CCDC40: variants seen among roughly 807,000 people sequenced by gnomAD.
The protein encoded by CCDC40 is coiled-coil domain-containing protein 40.
CCDC40 carries 104 observed loss-of-function variants against 124.5 expected under a neutral mutation model. The observed-to-expected ratio is 0.84, with a 90% confidence interval of 0.71 to 0.98. CCDC40 has a LOEUF of 0.98. Ranked by LOEUF, CCDC40 falls within the 50% of genes least tolerant of loss-of-function variation. CCDC40 has a pLI of 0.00. For missense variants in CCDC40, 1,463 were observed against 1,503.9 expected (o/e 0.97, Z 0.45); for synonymous variants, 580 against 602.9 (o/e 0.96, Z 0.56).
intron 10 of CCDC40, among the ~76,000 whole-genome samples, chr17:80,071,831 CTTT>C (rs35874742): frequency 4.8e-4 from 43 of 88,950 alleles, no homozygotes; most frequent in African/African-American, 1.5e-3. Context: ...GGTTTTTCAG[CTTT>C]TTTTTTTTTT....
In CCDC40 at chr17:80,069,756, A is replaced by C. The variant is rs149637992; in HGVS notation, c.1562+4150A>C. 3.6e-3 allele frequency among the ~76,000 whole-genome samples: 553 copies of C among 152,062 alleles called. 20 individuals are homozygous for C. The East Asian group carries it at 0.074, about 20-fold the overall frequency. ...ACAGAGCGAGACTTCGTCTCAAAAA[A>C]ATAAGAAAGAAAAAGAAAAAAAAGA... On this transcript the variant is annotated intron_variant, in intron 10 of 19. Transcript: ENST00000397545.
At chr17:80,062,132 T>TAGAG (rs76652533) in intron 9 of CCDC40, among the ~76,000 whole-genome samples, 14,149 of 151,660 alleles carry the variant, frequency 0.093, 690 homozygotes, top group Middle Eastern at 0.13. Flanking sequence ...ATACAGTGAA[T>TAGAG]AGAGACTCAT....
In CCDC40 at chr17:80,067,843, T is replaced by G. The variant is rs540063849; in HGVS notation, c.1562+2237T>G. 50 of 1,406,282 alleles carry G rather than the reference T, an allele frequency of 3.6e-5. 1 individual carries two copies. The African/African-American group carries it at 6.8e-4, about 19-fold the overall frequency. The allele number at this position is 1,406,282 out of a possible 1,614,324, so 87.1% of individuals were successfully genotyped here. ...AGCATGTTGTCACACTTCAGGACTG[T>G]GCCAATCCGATTGATGAAGAAAATA... is the stretch of plus-strand genomic sequence containing the variant. On this transcript the variant is annotated intron_variant, in intron 10 of 19. Coordinates refer to ENST00000397545, the MANE Select transcript of CCDC40 (RefSeq NM_017950.4).
In CCDC40 at chr17:80,095,247, C is replaced by T. The variant is rs536594430; in HGVS notation, c.2833-16C>T. 1.9e-6 allele frequency: 3 copies of T among 1,613,320 alleles called. No homozygotes were observed. The East Asian group carries it at 6.7e-5, about 36-fold the overall frequency. Reference sequence around the variant, plus strand: ...CAGGCCTGCCCCAGCCCCAGCCCCTCTGTCCTGTCTCCCAGGTCAGGCTCG... The same window carrying T: ...CAGGCCTGCCCCAGCCCCAGCCCCTTTGTCCTGTCTCCCAGGTCAGGCTCG... On this transcript the variant is annotated splice_polypyrimidine_tract_variant and intron_variant, in intron 17 of 19. Transcript: ENST00000397545.
rs919516066 is a variant in CCDC40 at position 80,058,015 on chromosome 17, C to G, written c.1160-479C>G. ...TGGAAGCTGCTGCCTCTTCTAGCCTCGTCCTCTCTGGCCTGCACTGCTGTG... is the reference window on the plus strand; with the variant it reads ...TGGAAGCTGCTGCCTCTTCTAGCCTGGTCCTCTCTGGCCTGCACTGCTGTG... On this transcript the variant is annotated intron_variant, in intron 7 of 19. Transcript: ENST00000397545. This position sits in a 1 kb window ranked among gnomAD's most constrained non-coding sequence, Gnocchi z 4.2. 6.6e-6 allele frequency among the ~76,000 whole-genome samples: 1 copy of G among 152,204 alleles called. No homozygotes were observed.
intron 9 of CCDC40, among the ~76,000 whole-genome samples, chr17:80,059,556 A>G (rs1008165866): frequency 2.8e-5 from 4 of 141,010 alleles, no homozygotes; most frequent in East Asian, 3.9e-4. Flanking sequence ...CACGGAGGAA[A>G]CAATTAACTT....
chr17:80,090,941 G>A (rs2038711387), intron 17 of CCDC40: 1 of 494,588 alleles, frequency 2.0e-6, no homozygotes, highest in South Asian at 4.5e-5. Context: ...GTATTTGCTG[G>A]AGCAAGACAA....
At chr17:80,036,765 C>T (rs2037070423) in intron 1 of CCDC40, 74 bp downstream of exon 1, 16 of 1,384,784 alleles carry the variant, frequency 1.2e-5, no homozygotes, top group Non-Finnish European at 1.4e-5. Flanking sequence ...CAGGTGGCCC[C>T]CGCGTCGGCT....
rs1460441714 is a variant in CCDC40 at position 80,065,541 on chromosome 17, G to A, written c.1497G>A (p.Trp499Ter). The A allele has an allele frequency of 1.2e-6, 2 of 1,613,024 alleles. No homozygotes were observed. Among genetic ancestry groups the A allele is most frequent in the African/African-American group, 1.3e-5 (1 of 74,910 alleles). The change falls in exon 10 of 20, where the codon TGG becomes TGA. Residue 499 changes from tryptophan to a stop codon, truncating the protein, a stop_gained. Transcript: ENST00000397545. LOFTEE classifies it high-confidence loss of function. ...AGAAGAGGCGCATCATGCAGCAATG[G>A]GCCAGCAGCCTGGTGGGCATGAAGC... Reference protein sequence around the residue: ...SVEKRRIMQQWASSLVGMKHR... With the variant: ...SVEKRRIMQQ
At position 80,087,421 on chromosome 17, in the gene CCDC40, CCT is replaced by C; in HGVS notation, c.2450-182_2450-181del. On this transcript the variant is annotated intron_variant, in intron 14 of 19. Transcript: ENST00000397545. The surrounding 1 kb of genome is among the most constrained non-coding windows in gnomAD (Gnocchi z 4.5). Reference sequence around the variant, plus strand: ...TAGCAGCCAAAAAGAGACCCCCTGTCCTCTCCTCTCCTCTGTCCTGGCAGGGA... The same window carrying C: ...TAGCAGCCAAAAAGAGACCCCCTGTCCTCCTCTCCTCTGTCCTGGCAGGGA... 1.9e-6 allele frequency: 1 copy of C among 515,016 alleles called. No homozygotes were observed. Among genetic ancestry groups the C allele is most frequent in the Non-Finnish European group, 3.4e-6 (1 of 295,036 alleles). The allele number at this position is 515,016 out of a possible 1,614,324, so 31.9% of individuals were successfully genotyped here.
chr17:80,096,133 G>C (rs543876102), intron 18 of CCDC40, among the ~76,000 whole-genome samples: 1 of 152,328 alleles, frequency 6.6e-6, no homozygotes, highest in South Asian at 2.1e-4. Flanking sequence ...CTCGTCTGCT[G>C]GGGGGTGGAG....
chr17:80,073,796 A>C (rs904453302), intron 10 of CCDC40, among the ~76,000 whole-genome samples: 3 of 152,092 alleles, frequency 2.0e-5, no homozygotes, highest in African/African-American at 4.8e-5. Flanking sequence ...CCCGGGTTCA[A>C]GCGATTCTCC....
At chr17:80,059,054 A>G (rs1199781607) in intron 9 of CCDC40, 74 bp downstream of exon 9, 10 of 1,568,026 alleles carry the variant, frequency 6.4e-6, no homozygotes, top group East Asian at 4.5e-5. Context: ...TGGTGGGTCT[A>G]CTAGACTGCA....
chr17:80,089,851 C>G lies in CCDC40; in HGVS notation c.2799C>G (p.Ile933Met). The part of the protein sequence containing the change: ...SVDSEIGQTE[I>M]RAMKGEIHRM... ...ATTCCGAGATCGGCCAGACGGAGAT[C>G]CGGGCCATGAAGGGCGAGATCCACA... The change falls in exon 17 of 20, where the codon ATC becomes ATG. Residue 933 changes from isoleucine (I) to methionine (M), a missense_variant. Transcript: ENST00000397545. 1.2e-6 allele frequency: 2 copies of G among 1,614,240 alleles called. No homozygotes were observed. Among genetic ancestry groups the G allele is most frequent in the Non-Finnish European group, 1.7e-6 (2 of 1,180,056 alleles).
At chr17:80,095,732 G>C (rs181421752) in intron 18 of CCDC40, among the ~76,000 whole-genome samples, 154 of 152,324 alleles carry the variant, frequency 1.0e-3, no homozygotes, top group African/African-American at 3.5e-3. Context: ...GCTGCTACGG[G>C]GCCTGTCTGG....
rs549310692 is a variant in CCDC40 at position 80,054,117 on chromosome 17, GAAAT to G, written c.1159+3842_1159+3845del. The stretch of plus-strand genomic sequence containing the variant: ...ATAAAGATCAAAAGCAGAAGCTGAT[GAAAT>G]AAATAAAAAATGAATTGACTTGATA... On this transcript the variant is annotated intron_variant, in intron 7 of 19. Transcript: ENST00000397545. Among the ~76,000 whole-genome samples the G allele has an allele frequency of 3.0e-4, 45 of 150,796 alleles. No individual in the cohort carries two copies. In the South Asian group the frequency reaches 8.6e-3, roughly 29 times the overall value.
Position 80,037,115 on chromosome 17 carries a change from G to C in CCDC40, c.29+424G>C, listed in dbSNP as rs547655177. Among the ~76,000 whole-genome samples the C allele has an allele frequency of 3.5e-4, 53 of 152,266 alleles. 1 individual carries two copies. In the Middle Eastern group the frequency reaches 0.01, roughly 30 times the overall value. ...ACCTTGCTCCGGGGCCACTCGCTGT[G>C]GCCGGAGACCAGCCCGGCCCCGCGC... On this transcript the variant is annotated intron_variant, in intron 1 of 19. Transcript: ENST00000397545.
At position 80,087,904 on chromosome 17, in the gene CCDC40, A is replaced by T. The variant is rs2038622096; in HGVS notation, c.2620-107A>T. 7 of 1,289,904 alleles carry T rather than the reference A, an allele frequency of 5.4e-6. No homozygotes were observed. The highest frequency in any genetic ancestry group is 7.9e-6 in the Non-Finnish European group (7 of 886,368). The allele number at this position is 1,289,904 out of a possible 1,614,324, so 79.9% of individuals were successfully genotyped here. A position where few individuals can be genotyped will look rare whatever the true frequency, so the allele number is the denominator to read the frequency against. On this transcript the variant is annotated intron_variant, in intron 15 of 19. Transcript: ENST00000397545. The surrounding 1 kb of genome is among the most constrained non-coding windows in gnomAD (Gnocchi z 4.5). ...TCAAGATGCTTGTAGGGGTATTAGA[A>T]ATCCAGCCTGCAGCCCTGCCCTCGG... is the stretch of plus-strand genomic sequence containing the variant.
chr17:80,088,115 C>A lies in CCDC40; in HGVS notation c.2711+13C>A. 1.3e-6 allele frequency: 2 copies of A among 1,594,380 alleles called. No individual in the cohort carries two copies. The highest frequency in any genetic ancestry group is 8.6e-7 in the Non-Finnish European group (1 of 1,162,036). On this transcript the variant is annotated intron_variant, in intron 16 of 19. Transcript: ENST00000397545. ...TGGTGGAAGCAGAGTGAGTCCCAGT[C>A]TCCAGCCACACGTGGGTCATGAAGG...
Sources: gnomAD v4.1 joint callset for allele counts (sites outside exome capture counted in the v4.1 genomes callset) on GRCh38, gnomAD v4.1.1 for gene constraint, Gnocchi (gnomAD v3.1) non-coding constraint, MANE v1.5 for transcripts, NCBI Gene and HGNC (gene_info 2026-07-23, HGNC 2026-07-21) for gene names.